ASTN2: variants seen among roughly 807,000 people sequenced by gnomAD.
ASTN2 encodes the protein astrotactin 2, also known as astrotactin-2.
ASTN2 carries 54 observed loss-of-function variants against 139.8 expected under a neutral mutation model. That is an observed-to-expected ratio of 0.39 (90% CI 0.31 to 0.48). ASTN2 has a LOEUF of 0.48. Among genes scored for constraint, ASTN2 ranks in the 20% least tolerant of loss-of-function variants. The pLI, the probability that ASTN2 is intolerant of heterozygous loss-of-function variation, is 0.95. For synonymous variants in ASTN2, 756 were observed against 719.5 expected (o/e 1.05, Z -0.81); for missense variants, 1,565 against 1,725.1 (o/e 0.91, Z 1.64).
chr9:117,259,290 C>A (rs1833765842), intron 2 of ASTN2, among the ~76,000 whole-genome samples: 2 of 152,138 alleles, frequency 1.3e-5, no homozygotes, highest in South Asian at 2.1e-4. Context: ...TATATACAAC[C>A]AATGTATAAG....
At chr9:117,253,019 T>G (rs780674445) in intron 2 of ASTN2, among the ~76,000 whole-genome samples, 1 of 152,202 alleles carries the variant, frequency 6.6e-6, no homozygotes, top group Non-Finnish European at 1.5e-5. Flanking sequence ...GGACCACTAA[T>G]GCATTATGGA....
intron 19 of ASTN2, among the ~76,000 whole-genome samples, chr9:116,586,597 C>T (rs553913090): frequency 6.6e-6 from 1 of 151,928 alleles, no homozygotes; most frequent in Non-Finnish European, 1.5e-5. Flanking sequence ...CATTGAGTAC[C>T]CATGGGCATA....
chr9:117,388,497 A>AG (rs1404509250), intron 1 of ASTN2, among the ~76,000 whole-genome samples: 7 of 152,198 alleles, frequency 4.6e-5, no homozygotes, highest in African/African-American at 7.2e-5. Flanking sequence ...ATTGCTCCCA[A>AG]GATCCCCAGA....
chr9:117,290,772 C>A (rs781353681), intron 2 of ASTN2, among the ~76,000 whole-genome samples: 5 of 152,184 alleles, frequency 3.3e-5, no homozygotes, highest in Non-Finnish European at 5.9e-5. Flanking sequence ...AGTTTCTTTG[C>A]CCCTCAGCCA....
At chr9:116,487,088 T>C (rs1322972708) in intron 20 of ASTN2, among the ~76,000 whole-genome samples, 1 of 152,162 alleles carries the variant, frequency 6.6e-6, no homozygotes, top group East Asian at 1.9e-4. Context: ...AGCCCTCTTC[T>C]CTCTCTGAGC....
rs562139957 is a variant in ASTN2 at position 117,240,841 on chromosome 9, T to C, written c.631-26099A>G. ...GGGGCTTGACTTAGGACCTAAGCCA[T>C]GCTTTCTGCAGACTCTTTTTCACAC... On this transcript the variant is annotated intron_variant, in intron 2 of 22. Coordinates refer to ENST00000313400, the MANE Select transcript of ASTN2 (RefSeq NM_001365068.1). 5.6e-4 allele frequency among the ~76,000 whole-genome samples: 85 copies of C among 152,322 alleles called. 1 individual carries two copies. In the South Asian group the frequency reaches 0.014, roughly 26 times the overall value.
rs781450516 is a variant in ASTN2 at position 116,698,121 on chromosome 9, G to C, written c.2806+27650C>G. ...GTTATGTGAGCCCTGCCGGGAGGCA[G>C]ACCATCAGCCTCCTGGCCACTGTAC... On this transcript the variant is annotated intron_variant, in intron 16 of 22. Coordinates refer to ENST00000313400, the MANE Select transcript of ASTN2 (RefSeq NM_001365068.1). The surrounding 1 kb of genome is among the most constrained non-coding windows in gnomAD (Gnocchi z 4.4). The C allele has an allele frequency of 6.2e-7, 1 of 1,614,104 alleles. No individual in the cohort carries two copies. Among genetic ancestry groups the C allele is most frequent in the Admixed American group, 1.7e-5 (1 of 60,036 alleles).
At chr9:116,995,343 C>T (rs1291039862) in intron 7 of ASTN2, among the ~76,000 whole-genome samples, 4 of 152,054 alleles carry the variant, frequency 2.6e-5, no homozygotes, top group Non-Finnish European at 4.4e-5. Context: ...ATATGAGGCC[C>T]ATAGAGAAAA....
intron 1 of ASTN2, among the ~76,000 whole-genome samples, chr9:117,310,447 G>A (rs545021791): frequency 6.6e-6 from 1 of 152,238 alleles, no homozygotes; most frequent in East Asian, 1.9e-4. Context: ...GCATTCTCCT[G>A]AAGACACCTG....
chr9:116,542,452 T>C (rs1449433027), intron 19 of ASTN2, among the ~76,000 whole-genome samples: 1 of 152,212 alleles, frequency 6.6e-6, no homozygotes, highest in Non-Finnish European at 1.5e-5. Context: ...TTATTACTTT[T>C]GGTCAAAGAT....
chr9:117,107,914 C>A (rs181711197), intron 4 of ASTN2, among the ~76,000 whole-genome samples: 15 of 152,182 alleles, frequency 9.9e-5, no homozygotes, highest in Non-Finnish European at 2.2e-4. Flanking sequence ...TGGTCCTAAT[C>A]TTCTGATCTC....
chr9:117,216,793 G>C lies in ASTN2; in HGVS notation c.631-2051C>G, dbSNP rs1449704615. 2.0e-5 allele frequency among the ~76,000 whole-genome samples: 3 copies of C among 152,212 alleles called. No individual in the cohort carries two copies. The East Asian group carries it at 5.8e-4, about 29-fold the overall frequency. On this transcript the variant is annotated intron_variant, in intron 2 of 22. Coordinates refer to ENST00000313400, the MANE Select transcript of ASTN2 (RefSeq NM_001365068.1). ...GTGAAGAGGAGAGAGGTGATAGAGA[G>C]GGAGAGTGAAGAGAGGAAAGGGCTG...
At chr9:117,040,368 G>A (rs1040907110) in intron 5 of ASTN2, among the ~76,000 whole-genome samples, 1 of 152,192 alleles carries the variant, frequency 6.6e-6, no homozygotes, top group Admixed American at 6.5e-5. Flanking sequence ...ATAAGCATGG[G>A]CTTTGGAGTT....
rs1248578720 is a variant in ASTN2, at chr9:117,119,897, C to A, written c.1168+21429G>T. Among the ~76,000 whole-genome samples the A allele has an allele frequency of 4.0e-5, 6 of 150,886 alleles. No individual in the cohort carries two copies. In the East Asian group the frequency reaches 5.9e-4, roughly 15 times the overall value. On this transcript the variant is annotated intron_variant, in intron 4 of 22. Transcript: ENST00000313400. ...AGATGGAGGTGAATAAACAAAATAG[C>A]ACTATAGCACTAGAATGTGAAAAGG...
intron 19 of ASTN2, among the ~76,000 whole-genome samples, chr9:116,596,156 G>A (rs1232673627): frequency 6.6e-6 from 1 of 152,180 alleles, no homozygotes; most frequent in Non-Finnish European, 1.5e-5. Flanking sequence ...AGGACGTTAT[G>A]CTGAGTATAA....
intron 2 of ASTN2, among the ~76,000 whole-genome samples, chr9:117,283,454 G>C (rs539572865): frequency 6.6e-6 from 1 of 152,320 alleles, no homozygotes; most frequent in East Asian, 1.9e-4. Flanking sequence ...TACTCATGGG[G>C]TATGTCCCAC....
At position 116,559,879 on chromosome 9, in the gene ASTN2, C is replaced by T. The variant is rs555146943; in HGVS notation, c.3355+58445G>A. Among the ~76,000 whole-genome samples the T allele has an allele frequency of 2.0e-5, 3 of 152,234 alleles. No individual in the cohort carries two copies. The East Asian group carries it at 5.8e-4, about 29-fold the overall frequency. On this transcript the variant is annotated intron_variant, in intron 19 of 22. Transcript: ENST00000313400. Reference sequence around the variant, plus strand: ...TTGAACTATTAATATGAGCCAGGAGCATTTTCTTCTTCCTCTTTCTTCTTA... The same window carrying T: ...TTGAACTATTAATATGAGCCAGGAGTATTTTCTTCTTCCTCTTTCTTCTTA...
chr9:117,399,672 AC>A (rs1417036957), intron 1 of ASTN2, among the ~76,000 whole-genome samples: 1 of 152,208 alleles, frequency 6.6e-6, no homozygotes, highest in Admixed American at 6.5e-5. Context: ...GTCTATGAGC[AC>A]CCTGCTTTTC....
intron 19 of ASTN2, among the ~76,000 whole-genome samples, chr9:116,559,423 T>A (rs1852797516): frequency 6.6e-6 from 1 of 152,218 alleles, no homozygotes; most frequent in Non-Finnish European, 1.5e-5. Context: ...ATACACAGTT[T>A]ATTTCACAAC....
Sources: gnomAD v4.1 joint callset for allele counts (sites outside exome capture counted in the v4.1 genomes callset) on GRCh38, gnomAD v4.1.1 for gene constraint, Gnocchi (gnomAD v3.1) non-coding constraint, MANE v1.5 for transcripts, NCBI Gene and HGNC (gene_info 2026-07-23, HGNC 2026-07-21) for gene names.